The following STAB2 variants were observed in gnomAD, a reference collection of about 807,000 sequenced individuals.
The protein encoded by STAB2 is stabilin 2.
A neutral mutation model predicts 338.1 loss-of-function variants in STAB2; 288 were observed. The ratio of observed to expected loss-of-function variants is 0.85; its 90% confidence interval spans 0.77 to 0.94. The LOEUF (loss-of-function observed/expected upper bound fraction) is 0.94. STAB2 is among the 40% of genes least tolerant of loss of function. STAB2 has a pLI of 0.00. For synonymous variants in STAB2, 1,202 were observed against 1,193.3 expected, an observed-to-expected ratio of 1.01 and a Z score of -0.15; for missense variants, 3,141 against 3,210.1, an observed-to-expected ratio of 0.98 and a Z score of 0.52.
At chr12:103,765,085 T>A (rs1593364251) in intron 68 of STAB2, among the ~76,000 whole-genome samples, 2 of 65,324 alleles carry the variant, frequency 3.1e-5, no homozygotes, top group Non-Finnish European at 2.8e-5. Context: ...AGACTCTGTC[T>A]CAAAAAAAAA....
chr12:103,601,198 G>T (rs1255502540), intron 3 of STAB2, among the ~76,000 whole-genome samples: 1 of 152,076 alleles, frequency 6.6e-6, no homozygotes, highest in African/African-American at 2.4e-5. Context: ...TGCACGTAAT[G>T]TGCTTGGCAT....
In STAB2 at chr12:103,680,892, A is replaced by G. The variant is rs528522711; in HGVS notation, c.2806-2313A>G. On this transcript the variant is annotated intron_variant, in intron 25 of 68. Transcript: ENST00000388887. Reference sequence around the variant, plus strand: ...ATCTATTCATTTGCTCATTCATCCAACACTTCTCAAGTGCCTACACCCACT... The same window carrying G: ...ATCTATTCATTTGCTCATTCATCCAGCACTTCTCAAGTGCCTACACCCACT... 4.6e-5 allele frequency among the ~76,000 whole-genome samples: 7 copies of G among 152,338 alleles called. No individual in the cohort carries two copies. The South Asian group carries it at 1.2e-3, about 27-fold the overall frequency.
intron 22 of STAB2, among the ~76,000 whole-genome samples, chr12:103,671,638 C>T (rs933034594): frequency 2.0e-5 from 3 of 152,124 alleles, no homozygotes; most frequent in African/African-American, 4.8e-5. Context: ...AAATGGAAAC[C>T]GCTTGCCTTA....
Position 103,696,885 on chromosome 12 carries a change from A to G in STAB2, c.3582+1041A>G, listed in dbSNP as rs558116879. Among the ~76,000 whole-genome samples the G allele has an allele frequency of 3.9e-5, 6 of 152,216 alleles. No individual in the cohort carries two copies. The South Asian group carries it at 6.2e-4, about 16-fold the overall frequency. ...GCATAAAACACACAGCAGCTCTGCT[A>G]TGGGGGAGGATTGTATATGGGAGAG... is the stretch of plus-strand genomic sequence containing the variant. On this transcript the variant is annotated intron_variant, in intron 33 of 68. Coordinates refer to ENST00000388887, the MANE Select transcript of STAB2 (RefSeq NM_017564.10).
Position 103,623,863 on chromosome 12 carries a change from C to T in STAB2, c.487+1752C>T, listed in dbSNP as rs552185226. The stretch of plus-strand genomic sequence containing the variant: ...GGCCAAGCGCTCGTCCTAAGGTTCA[C>T]ACAAAACCCTCAGGCTAAGAGCTGT... On this transcript the variant is annotated intron_variant, in intron 5 of 68. Coordinates refer to ENST00000388887, the MANE Select transcript of STAB2 (RefSeq NM_017564.10). Among the ~76,000 whole-genome samples, 3 of 152,286 alleles carry T rather than the reference C, an allele frequency of 2.0e-5. No individual in the cohort carries two copies. In the South Asian group the frequency reaches 6.2e-4, roughly 32 times the overall value.
chr12:103,684,301 C>T (rs985792638), intron 26 of STAB2, among the ~76,000 whole-genome samples: 3 of 152,080 alleles, frequency 2.0e-5, no homozygotes, highest in South Asian at 2.1e-4. Context: ...CATATGAGTC[C>T]GTCAATTGTG....
Position 103,759,222 on chromosome 12 carries a change from G to A in STAB2, c.7197G>A (p.Thr2399=), listed in dbSNP as rs779728970. The A allele has an allele frequency of 5.0e-6, 8 of 1,614,096 alleles. No individual in the cohort carries two copies. The highest frequency in any genetic ancestry group is 4.5e-5 in the East Asian group (2 of 44,874). Residue 2399 remains threonine, a synonymous_variant, in exon 65 of 69, where the codon ACG becomes ACA. Transcript: ENST00000388887. ...TTGTCAATGGCACCACCCTGCAAACGAGGCTGGGAAGCAAGCTGCTCATCA... is the reference window on the plus strand; with the variant it reads ...TTGTCAATGGCACCACCCTGCAAACAAGGCTGGGAAGCAAGCTGCTCATCA... ...NDLVNGTTLQ[T]RLGSKLLITA...
intron 5 of STAB2, among the ~76,000 whole-genome samples, chr12:103,628,139 A>G (rs1181065458): frequency 3.9e-5 from 6 of 152,222 alleles, no homozygotes; most frequent in Non-Finnish European, 5.9e-5. Flanking sequence ...GCTTGGCTAA[A>G]ATAGAAACAA....
intron 33 of STAB2, among the ~76,000 whole-genome samples, chr12:103,698,306 G>A (rs937712445): frequency 8.5e-5 from 13 of 152,118 alleles, no homozygotes; most frequent in African/African-American, 3.1e-4. Flanking sequence ...CTTCCCCACA[G>A]GATGTTTCTC....
chr12:103,745,387 G>A, intron 57 of STAB2, 110 bp downstream of exon 57: 2 of 954,876 alleles, frequency 2.1e-6, no homozygotes, highest in Non-Finnish European at 3.1e-6. Flanking sequence ...AAGTGACAAA[G>A]CAGGTCCATG....
intron 33 of STAB2, among the ~76,000 whole-genome samples, chr12:103,698,866 C>T (rs1481613423): frequency 1.3e-5 from 2 of 152,170 alleles, no homozygotes; most frequent in African/African-American, 2.4e-5. Flanking sequence ...TTTTAGAATC[C>T]TCTAATGAGT....
At chr12:103,728,363 G>A (rs1293590568) in intron 47 of STAB2, among the ~76,000 whole-genome samples, 1 of 152,184 alleles carries the variant, frequency 6.6e-6, no homozygotes, top group Non-Finnish European at 1.5e-5. Flanking sequence ...ACCCGCCTCG[G>A]CCTCCCAGAG....
chr12:103,670,644 C>A, intron 21 of STAB2, 52 bp from the exon 22 acceptor site: 2 of 1,423,394 alleles, frequency 1.4e-6, no homozygotes, highest in Non-Finnish European at 2.0e-6. Flanking sequence ...GAAATGAAAA[C>A]ACCTGAGAAC....
At chr12:103,671,655 T>G (rs1417458943) in intron 22 of STAB2, among the ~76,000 whole-genome samples, 4 of 152,224 alleles carry the variant, frequency 2.6e-5, no homozygotes, top group South Asian at 2.1e-4. Context: ...CTTAGAACCA[T>G]GCCTAGTACA....
chr12:103,761,424 G>A lies in STAB2; in HGVS notation c.7359+14G>A, dbSNP rs1884530368. 3 of 1,611,148 alleles carry A rather than the reference G, an allele frequency of 1.9e-6. No individual in the cohort carries two copies. Among genetic ancestry groups the A allele is most frequent in the African/African-American group, 1.3e-5 (1 of 74,754 alleles). On this transcript the variant is annotated intron_variant, in intron 66 of 68. Transcript: ENST00000388887. ...CCTGCCCCCGTGGTGAGTATCTAGG[G>A]TCCCTGATAACGGGCCAGGAGGAGC... is the stretch of plus-strand genomic sequence containing the variant.
At chr12:103,724,169 A>G (rs1880997616) in intron 44 of STAB2, among the ~76,000 whole-genome samples, 1 of 152,192 alleles carries the variant, frequency 6.6e-6, no homozygotes, top group Non-Finnish European at 1.5e-5. Flanking sequence ...TTTGGAAGTG[A>G]CAATGTACAG....
At chr12:103,735,681 T>G (rs1001145027) in intron 52 of STAB2, 101 bp downstream of exon 52, 2 of 1,021,340 alleles carry the variant, frequency 2.0e-6, no homozygotes, top group Admixed American at 5.9e-5. Context: ...TTTTTTCCCC[T>G]CCATTCATAG....
intron 27 of STAB2, among the ~76,000 whole-genome samples, chr12:103,686,289 C>T (rs557078900): frequency 6.6e-6 from 1 of 152,322 alleles, no homozygotes; most frequent in Admixed American, 6.5e-5. Flanking sequence ...CTCTCACTGT[C>T]AACTGTGCCT....
In STAB2 at chr12:103,678,914, T is replaced by A. The variant is rs147125123; in HGVS notation, c.2805+1303T>A. On this transcript the variant is annotated intron_variant, in intron 25 of 68. Transcript: ENST00000388887. The stretch of plus-strand genomic sequence containing the variant: ...GGCATCATTCCCACTCACTCCTCCA[T>A]TCTGCTAGGAATGAGTGATGGAACA... Among the ~76,000 whole-genome samples the A allele has an allele frequency of 6.0e-3, 912 of 152,268 alleles. 5 individuals are homozygous for A. The highest frequency in any genetic ancestry group is 9.4e-3 in the Non-Finnish European group (641 of 68,022).
Sources: allele counts gnomAD v4.1 joint callset (sites outside exome capture counted in the v4.1 genomes callset), GRCh38; gene constraint gnomAD v4.1.1; transcripts MANE v1.5; gene names NCBI Gene and HGNC (gene_info 2026-07-23, HGNC 2026-07-21).